CABLES1: variants seen among roughly 807,000 people sequenced by gnomAD.
The protein encoded by CABLES1 is CDK5 and ABL1 enzyme substrate 1.
Under a neutral mutation model 57.8 loss-of-function variants are expected in CABLES1, and 36 were observed. The observed-to-expected ratio is 0.62, with a 90% CI of 0.48 to 0.82. The LOEUF is 0.82. CABLES1 is among the 40% of genes least tolerant of loss of function. CABLES1 has a pLI of 0.00. For missense variants in CABLES1, 767 were observed against 836.6 expected, an observed-to-expected ratio of 0.92 and a Z score of 1.03; for synonymous variants, 374 against 363.0, an observed-to-expected ratio of 1.03 and a Z score of -0.35.
intron 1 of CABLES1, among the ~76,000 whole-genome samples, chr18:23,183,255 C>T (rs952095520): frequency 2.0e-5 from 3 of 152,202 alleles, no homozygotes; most frequent in Admixed American, 6.5e-5. Context: ...CTTTCTTTCC[C>T]CTCTCTTCTT....
chr18:23,147,423 A>G (rs1489293602), intron 1 of CABLES1, among the ~76,000 whole-genome samples: 2 of 152,248 alleles, frequency 1.3e-5, no homozygotes, highest in Non-Finnish European at 1.5e-5. Flanking sequence ...AGAATGCAGA[A>G]TGCAACACTA....
chr18:23,212,522 G>A (rs1175312783), intron 3 of CABLES1, among the ~76,000 whole-genome samples: 1 of 152,192 alleles, frequency 6.6e-6, no homozygotes, highest in Non-Finnish European at 1.5e-5. Context: ...AAAGCCGAAA[G>A]TGGCTTTTGA....
chr18:23,174,620 C>G (rs1179617763), intron 1 of CABLES1, among the ~76,000 whole-genome samples: 1 of 151,598 alleles, frequency 6.6e-6, no homozygotes, highest in Non-Finnish European at 1.5e-5. Flanking sequence ...TACAGGCACC[C>G]ACCACCACAC....
At chr18:23,242,505 T>C (rs1179590423) in intron 7 of CABLES1, among the ~76,000 whole-genome samples, 3 of 152,304 alleles carry the variant, frequency 2.0e-5, no homozygotes, top group Admixed American at 6.5e-5. Context: ...TATGTATCAT[T>C]AGAACGTGGC....
intron 4 of CABLES1, among the ~76,000 whole-genome samples, chr18:23,234,046 G>A (rs1192242932): frequency 2.6e-5 from 4 of 152,000 alleles, no homozygotes; most frequent in South Asian, 2.1e-4. Flanking sequence ...GTGAAACCCC[G>A]TCTGTACTAA....
chr18:23,238,754 A>G (rs1210036443), intron 7 of CABLES1, among the ~76,000 whole-genome samples: 1 of 152,248 alleles, frequency 6.6e-6, no homozygotes, highest in East Asian at 1.9e-4. Context: ...CAGGGAGTCC[A>G]AGTGAGGCTT....
chr18:23,194,753 G>A (rs961156466), intron 3 of CABLES1, among the ~76,000 whole-genome samples: 2 of 152,212 alleles, frequency 1.3e-5, no homozygotes, highest in South Asian at 2.1e-4. Context: ...TCTCTAAGGC[G>A]AAGTGAGATG....
chr18:23,207,261 A>G (rs372587708), intron 3 of CABLES1, among the ~76,000 whole-genome samples: 1 of 152,204 alleles, frequency 6.6e-6, no homozygotes, highest in African/African-American at 2.4e-5. Flanking sequence ...TGCGTGAGTC[A>G]GGGGTGTTGG....
intron 3 of CABLES1, among the ~76,000 whole-genome samples, chr18:23,207,056 C>T (rs1289570219): frequency 1.3e-5 from 2 of 152,160 alleles, no homozygotes; most frequent in Admixed American, 1.3e-4. Context: ...ATGTCATCTC[C>T]CACCTTGGCT....
intron 7 of CABLES1, among the ~76,000 whole-genome samples, chr18:23,245,060 T>C (rs559823414): frequency 6.6e-6 from 1 of 152,286 alleles, no homozygotes; most frequent in Non-Finnish European, 1.5e-5. Context: ...TTTTGAGGTG[T>C]GTGTACCTCC....
At chr18:23,164,504 A>G (rs2047027592) in intron 1 of CABLES1, among the ~76,000 whole-genome samples, 1 of 152,072 alleles carries the variant, frequency 6.6e-6, no homozygotes, top group Non-Finnish European at 1.5e-5. Flanking sequence ...TGGAAATGCA[A>G]TTCTTTTCCT....
chr18:23,149,131 T>G (rs368164257), intron 1 of CABLES1, among the ~76,000 whole-genome samples: 3 of 152,162 alleles, frequency 2.0e-5, no homozygotes, highest in African/African-American at 7.2e-5. Context: ...TGATCTCAGG[T>G]GATCCACCTG....
chr18:23,136,381 G>T lies in CABLES1; in HGVS notation c.619G>T (p.Glu207Ter). 1 of 1,560,166 alleles carries T rather than the reference G, an allele frequency of 6.4e-7. No homozygotes were observed. The highest frequency in any genetic ancestry group is 8.7e-7 in the Non-Finnish European group (1 of 1,155,428). The change falls in exon 1 of 10, where the codon GAG becomes TAG. Residue 207 changes from glutamate to a stop codon, truncating the protein, a stop_gained. Transcript: ENST00000256925. LOFTEE classifies it high-confidence loss of function. ...CGGGTCCGGGGCCGCCGGGCAGGAG[G>T]AGTTGGAGGAGGACGATGCCTTTAT... ...LDGSGAAGQE[E>*]LEEDDAFISV...
chr18:23,136,506 G>C lies in CABLES1; in HGVS notation c.744G>C (p.Leu248=). 6.3e-7 allele frequency: 1 copy of C among 1,597,204 alleles called. No individual in the cohort carries two copies. The highest frequency in any genetic ancestry group is 1.3e-5 in the African/African-American group (1 of 74,226). The change falls in exon 1 of 10, where the codon CTG becomes CTC. Residue 248 remains leucine (L), a synonymous_variant. Coordinates refer to ENST00000256925, the MANE Select transcript of CABLES1 (RefSeq NM_001100619.3). The part of the protein sequence containing the change: ...GRLNSFTQGI[L]PIAFSRPTSQ... The stretch of plus-strand genomic sequence containing the variant: ...TCAACTCGTTCACTCAGGGAATCCT[G>C]CCCATCGCCTTCTCCAGGCCGACTT...
rs541972998 is a variant in CABLES1 at position 23,176,511 on chromosome 18, A to G, written c.846-12327A>G. On this transcript the variant is annotated intron_variant, in intron 1 of 9. Transcript: ENST00000256925. The stretch of plus-strand genomic sequence containing the variant: ...GGCTTGGGGACCCCTGCCTTATGCC[A>G]TAAACCCTTTATTTGGAGGCCGTCA... Among the ~76,000 whole-genome samples the G allele has an allele frequency of 1.1e-4, 17 of 152,260 alleles. No individual in the cohort carries two copies. The South Asian group carries it at 3.3e-3, about 30-fold the overall frequency.
Position 23,181,927 on chromosome 18 carries a change from G to C in CABLES1, c.846-6911G>C, listed in dbSNP as rs550534450. ...CAGATGTGAAGTAATCATGACCTCA[G>C]CTCCTTCCTCACCTGTGTACTTGAG... On this transcript the variant is annotated intron_variant, in intron 1 of 9. Transcript: ENST00000256925. 5.3e-5 allele frequency among the ~76,000 whole-genome samples: 8 copies of C among 152,336 alleles called. 1 individual carries two copies. The South Asian group carries it at 1.7e-3, about 32-fold the overall frequency.
At chr18:23,209,758 G>C (rs2047390511) in intron 3 of CABLES1, among the ~76,000 whole-genome samples, 1 of 152,134 alleles carries the variant, frequency 6.6e-6, no homozygotes, top group South Asian at 2.1e-4. Context: ...CAAGGCTCCG[G>C]TTTTTTGGCA....
At chr18:23,194,673 C>G (rs2047269155) in intron 3 of CABLES1, 133 bp downstream of exon 3, 2 of 624,348 alleles carry the variant, frequency 3.2e-6, no homozygotes, top group East Asian at 5.5e-5. Context: ...TCTCATGGAA[C>G]CTTCCCCGAC....
chr18:23,227,370 A>G (rs1745831613), intron 4 of CABLES1, among the ~76,000 whole-genome samples: 2 of 152,206 alleles, frequency 1.3e-5, no homozygotes. Flanking sequence ...GATCTCATGG[A>G]TGACTCATGC....
Sources: allele counts gnomAD v4.1 joint callset (sites outside exome capture counted in the v4.1 genomes callset), GRCh38; gene constraint gnomAD v4.1.1; transcripts MANE v1.5; gene names NCBI Gene and HGNC (gene_info 2026-07-23, HGNC 2026-07-21).